CHRNE: variants seen among roughly 807,000 people sequenced by gnomAD.
CHRNE encodes the protein acetylcholine receptor subunit epsilon.
A neutral mutation model predicts 56.5 loss-of-function variants in CHRNE; 58 were observed. The ratio of observed to expected loss-of-function variants is 1.03; its 90% CI spans 0.83 to 1.28. CHRNE has a LOEUF of 1.28. CHRNE is among the 50% of genes most tolerant of loss of function. The pLI, the probability that CHRNE is intolerant of heterozygous loss-of-function variation, is 0.00. For missense variants in CHRNE, 793 were observed against 688.9 expected (o/e 1.15, Z -1.69); for synonymous variants, 385 against 297.9 (o/e 1.29, Z -3.01).
Position 4,902,547 on chromosome 17 carries a change from G to A in CHRNE, c.190-53C>T. The A allele has an allele frequency of 3.7e-6, 6 of 1,614,096 alleles. No individual in the cohort carries two copies. The highest frequency in any genetic ancestry group is 5.1e-6 in the Non-Finnish European group (6 of 1,179,964). ...AGTGAGATTTCAGGGCCAGAAGTGA[G>A]CTTTAGGACAGAGCTCAGCGGTTGG... is the stretch of plus-strand genomic sequence containing the variant. On this transcript the variant is annotated intron_variant, in intron 2 of 11. Coordinates refer to ENST00000649488, the MANE Select transcript of CHRNE (RefSeq NM_000080.4). This position sits in a 1 kb window ranked among gnomAD's most constrained non-coding sequence, Gnocchi z 4.0.
chr17:4,907,989 A>G (rs557713450), upstream of CHRNE, among the ~76,000 whole-genome samples: 4 of 152,236 alleles, frequency 2.6e-5, no homozygotes, highest in Admixed American at 6.5e-5. Context: ...AGCCTGATCA[A>G]CATGGTGAAA....
upstream of CHRNE, among the ~76,000 whole-genome samples, chr17:4,903,871 T>TAAAA (rs1567640888): frequency 1.1e-3 from 164 of 151,642 alleles, no homozygotes; most frequent in African/African-American, 3.8e-3. Flanking sequence ...AAAAAAAATT[T>TAAAA]TTTTGAGACC....
At chr17:4,906,271 ACAC>A (rs1970091675), upstream of CHRNE, among the ~76,000 whole-genome samples, 1 of 152,160 alleles carries the variant, frequency 6.6e-6, no homozygotes, top group South Asian at 2.1e-4. Context: ...GCAGGCCCTG[ACAC>A]CACATGTCTG....
Position 4,899,599 on chromosome 17 carries a change from G to C in CHRNE, c.918-17C>G, listed in dbSNP as rs771664527. ...ATAAGGAACCTGAGGAGCCCGGAAG[G>C]CATGACATCACCGTTCCTCCTCCCA... On this transcript the variant is annotated splice_polypyrimidine_tract_variant and intron_variant, in intron 8 of 11. Coordinates refer to ENST00000649488, the MANE Select transcript of CHRNE (RefSeq NM_000080.4). The C allele has an allele frequency of 1.3e-6, 2 of 1,538,402 alleles. No individual in the cohort carries two copies. Among genetic ancestry groups the C allele is most frequent in the Non-Finnish European group, 1.8e-6 (2 of 1,130,964 alleles).
intron 8 of CHRNE, chr17:4,900,405 C>T: frequency 6.4e-7 from 1 of 1,550,784 alleles, no homozygotes; most frequent in East Asian, 2.4e-5. Flanking sequence ...GCTCCTAGTC[C>T]AGGGAGCATG....
chr17:4,901,561 T>C lies in CHRNE; in HGVS notation c.565A>G (p.Ile189Val). 1 of 1,614,188 alleles carries C rather than the reference T, an allele frequency of 6.2e-7. No individual in the cohort carries two copies. The highest frequency in any genetic ancestry group is 8.5e-7 in the Non-Finnish European group (1 of 1,180,020). ...TCTGTGTCGATGTCGATCTTGTTGA[T>C]GGTCTTGCCGTCGTTGTCTACGGCA... ...TFAVDNDGKT[I>V]NKIDIDTEAY... The change falls in exon 6 of 12, where the codon ATC becomes GTC. Residue 189 changes from isoleucine to valine, a missense_variant. By Grantham distance (29) the Ile-to-Val change is conservative. Coordinates refer to ENST00000649488, the MANE Select transcript of CHRNE (RefSeq NM_000080.4).
upstream of CHRNE, among the ~76,000 whole-genome samples, chr17:4,906,190 G>C (rs143264582): frequency 2.0e-5 from 3 of 152,138 alleles, no homozygotes; most frequent in Non-Finnish European, 4.4e-5. Context: ...TGAGGGCTTG[G>C]GGTGCCAACA....
rs140023380 is a variant in CHRNE at position 4,900,809 on chromosome 17, C to T, written c.901G>A (p.Val301Met). ...AQKIPETSLS[V>M]PLLGRFLIFV... ...CGGCTTCACCTGCCCAGGAGCGGCACGCTCAGAGAAGTCTCTGGGATTTTC... is the reference window on the plus strand; with the variant it reads ...CGGCTTCACCTGCCCAGGAGCGGCATGCTCAGAGAAGTCTCTGGGATTTTC... The change falls in exon 8 of 12, where the codon GTG (valine) becomes ATG (methionine). Residue 301 changes from valine (V) to methionine (M), a missense_variant. Transcript: ENST00000649488. The T allele has an allele frequency of 5.8e-4, 935 of 1,613,810 alleles. 1 individual carries two copies. Among genetic ancestry groups the T allele is most frequent in the Non-Finnish European group, 6.3e-4 (747 of 1,179,872 alleles).
chr17:4,901,884 G>GGCC, intron 5 of CHRNE, 48 bp downstream of exon 5: 29 of 1,526,180 alleles, frequency 1.9e-5, no homozygotes, highest in East Asian at 2.3e-5. Context: ...GCCCCATAAG[G>GGCC]CCCCCCCCCA....
chr17:4,901,834 C>T (rs1969996441), intron 5 of CHRNE, 98 bp downstream of exon 5: 5 of 1,555,014 alleles, frequency 3.2e-6, no homozygotes, highest in South Asian at 2.2e-5. Context: ...GCCTCCAGCG[C>T]GAAGCCCCGC....
rs768177094 is a variant in CHRNE, at chr17:4,900,923, G to T, written c.803-16C>A. 5.6e-6 allele frequency: 9 copies of T among 1,614,144 alleles called. No individual in the cohort carries two copies. In the East Asian group the frequency reaches 1.8e-4, roughly 32 times the overall value. ...TGGCCGCCGGCTGGAGGGAGAGCCA[G>T]TGAGAGCGGGCCCCGCCTCCCGGGA... On this transcript the variant is annotated splice_polypyrimidine_tract_variant and intron_variant, in intron 7 of 11. Coordinates refer to ENST00000649488, the MANE Select transcript of CHRNE (RefSeq NM_000080.4).
chr17:4,901,965 G>A lies in CHRNE; in HGVS notation c.467C>T (p.Pro156Leu). 1 of 1,613,958 alleles carries A rather than the reference G, an allele frequency of 6.2e-7. No homozygotes were observed. Among genetic ancestry groups the A allele is most frequent in the Non-Finnish European group, 8.5e-7 (1 of 1,179,998 alleles). Reference protein sequence around the residue: ...SVCAVEVTYFPFDWQNCSLIF... With the variant: ...SVCAVEVTYFLFDWQNCSLIF... ...AAGCGAACAGTTCTGCCAATCGAAG[G>A]GGAAGTAGGTGACCTCCACTGCGCA... Residue 156 changes from proline (P) to leucine (L), a missense_variant, in exon 5 of 12, where the codon CCC becomes CTC. Pro to Leu is a moderately conservative substitution (Grantham distance 98, BLOSUM62 -3). Coordinates refer to ENST00000649488, the MANE Select transcript of CHRNE (RefSeq NM_000080.4).
chr17:4,902,861 T>C lies in CHRNE; in HGVS notation c.47-98A>G. 1 of 1,587,554 alleles carries C rather than the reference T, an allele frequency of 6.3e-7. No homozygotes were observed. The highest frequency in any genetic ancestry group is 8.6e-7 in the Non-Finnish European group (1 of 1,156,814). On this transcript the variant is annotated intron_variant, in intron 1 of 11. Transcript: ENST00000649488. The surrounding 1 kb of genome is among the most constrained non-coding windows in gnomAD (Gnocchi z 4.0). ...CTGGGTCCTCACAGGCCTCTGAGGC[T>C]GTGTACTATCAGTATCTGTCTCCTA...
In CHRNE at chr17:4,899,494, G is replaced by T. The variant is rs144747573; in HGVS notation, c.1006C>A (p.His336Asn). Residue 336 changes from histidine (H) to asparagine (N), a missense_variant, in exon 9 of 12, where the codon CAC (histidine) becomes AAC (asparagine). Physicochemically the swap from His to Asn is moderately conservative, Grantham distance 68. Coordinates refer to ENST00000649488, the MANE Select transcript of CHRNE (RefSeq NM_000080.4). ...TGGCGCAGCCGCGGGGACATGGCGT[G>T]GGTGGTGGGCGTCCGCTGGGACACG... Reference protein sequence around the residue: ...LNVSQRTPTTHAMSPRLRHVL... With the variant: ...LNVSQRTPTTNAMSPRLRHVL... 8 of 1,601,760 alleles carry T rather than the reference G, an allele frequency of 5.0e-6. No homozygotes were observed. The highest frequency in any genetic ancestry group is 6.8e-6 in the Non-Finnish European group (8 of 1,175,570).
At chr17:4,901,300 G>T in intron 6 of CHRNE, 110 bp from the exon 7 acceptor site, 1 of 1,250,808 alleles carries the variant, frequency 8.0e-7, no homozygotes, top group Non-Finnish European at 1.1e-6. Context: ...TGGGCCGTCA[G>T]GATGGGGGCA....
Position 4,900,528 on chromosome 17 carries a change from A to C in CHRNE, c.917+265T>G, listed in dbSNP as rs1969946644. ...ACCGGTGAGCTCAGGACACGGGGTG[A>C]GTTAGGGGCCAGAGGCGGCGGGGCT... On this transcript the variant is annotated intron_variant, in intron 8 of 11. Transcript: ENST00000649488. 3 of 1,550,578 alleles carry C rather than the reference A, an allele frequency of 1.9e-6. No individual in the cohort carries two copies. The East Asian group carries it at 7.3e-5, about 38-fold the overall frequency.
chr17:4,902,026 C>G lies in CHRNE; in HGVS notation c.406G>C (p.Val136Leu). The G allele has an allele frequency of 3.7e-6, 6 of 1,614,108 alleles. No homozygotes were observed. Among genetic ancestry groups the G allele is most frequent in the South Asian group, 2.2e-5 (2 of 91,082 alleles). The stretch of plus-strand genomic sequence containing the variant: ...TAGATGGCCGGAGGCAGCCACGTCA[C>G]GGAGCCGCCCTCGTAGACGAGCACG... ...ANVLVYEGGS[V>L]TWLPPAIYRS... is the part of the protein sequence containing the mutation. Residue 136 changes from valine to leucine, a missense_variant, in exon 5 of 12, where the codon GTG becomes CTG. Transcript: ENST00000649488. This position sits in a 1 kb window ranked among gnomAD's most constrained non-coding sequence, Gnocchi z 4.0.
chr17:4,907,590 A>AAAAAAAAAAT (rs386627263), upstream of CHRNE, among the ~76,000 whole-genome samples: 2 of 124,918 alleles, frequency 1.6e-5, no homozygotes, highest in Non-Finnish European at 3.4e-5. Flanking sequence ...AAAAAAAAAA[A>AAAAAAAAAAT]CACTCTCAGC....
intron 6 of CHRNE, 103 bp from the exon 7 acceptor site, chr17:4,901,293 G>T: frequency 7.4e-7 from 1 of 1,348,296 alleles, no homozygotes; most frequent in Non-Finnish European, 1.0e-6. Context: ...AGGGTCATGG[G>T]CCGTCAGGAT....
Sources: gnomAD v4.1 joint callset for allele counts (sites outside exome capture counted in the v4.1 genomes callset) on GRCh38, gnomAD v4.1.1 for gene constraint, Gnocchi (gnomAD v3.1) non-coding constraint, MANE v1.5 for transcripts, NCBI Gene and HGNC (gene_info 2026-07-23, HGNC 2026-07-21) for gene names.